Variants in SPPL3 observed in about 807,000 individuals in gnomAD.
SPPL3 encodes the protein signal peptide peptidase-like 3.
A neutral mutation model predicts 42.4 loss-of-function variants in SPPL3; 5 were observed. That is an observed-to-expected ratio of 0.12 (90% CI 0.06 to 0.25). SPPL3 has a LOEUF of 0.25. Ranked by LOEUF, SPPL3 falls within the 10% of genes least tolerant of loss-of-function variation. The pLI is 1.00. For missense variants in SPPL3, 235 were observed against 489.0 expected (o/e 0.48, Z 4.90); for synonymous variants, 195 against 181.8 (o/e 1.07, Z -0.58).
chr12:120,893,323 G>A (rs896415453), intron 1 of SPPL3, among the ~76,000 whole-genome samples: 5 of 152,042 alleles, frequency 3.3e-5, no homozygotes, highest in African/African-American at 4.8e-5. Context: ...GGCGGCGGGC[G>A]CCTGTAGTCC....
At chr12:120,777,895 C>T (rs151029654) in intron 6 of SPPL3, among the ~76,000 whole-genome samples, 41 of 152,104 alleles carry the variant, frequency 2.7e-4, no homozygotes, top group African/African-American at 8.4e-4. Context: ...CAGACGGGCA[C>T]GGGTGATTTT....
chr12:120,768,803 G>A (rs1303815007), intron 7 of SPPL3, 150 bp downstream of exon 7: 6 of 689,172 alleles, frequency 8.7e-6, no homozygotes, highest in South Asian at 1.9e-5. Context: ...GGATCGGACT[G>A]CACACCCATG....
At chr12:120,797,777 C>T (rs891735885) in intron 2 of SPPL3, among the ~76,000 whole-genome samples, 1 of 152,176 alleles carries the variant, frequency 6.6e-6, no homozygotes, top group African/African-American at 2.4e-5. Context: ...AGAAACTTAA[C>T]CAAATGACTG....
Position 120,791,577 on chromosome 12 carries a change from AG to A in SPPL3, c.102-21del, listed in dbSNP as rs767538826. The A allele has an allele frequency of 1.3e-6, 2 of 1,548,548 alleles. No individual in the cohort carries two copies. The highest frequency in any genetic ancestry group is 1.8e-6 in the Non-Finnish European group (2 of 1,138,208). The stretch of plus-strand genomic sequence containing the variant: ...AGGGACCTGTGGAAAAAAATTTTGT[AG>A]TTAAGTTGTAGTTTTGCTTACAAAA... On this transcript the variant is annotated intron_variant, in intron 2 of 10. Transcript: ENST00000353487.
intron 1 of SPPL3, among the ~76,000 whole-genome samples, chr12:120,813,651 G>C (rs1434296274): frequency 6.7e-6 from 1 of 150,100 alleles, no homozygotes. Flanking sequence ...GATACAACCT[G>C]AAGTATTTAT....
intron 6 of SPPL3, among the ~76,000 whole-genome samples, chr12:120,779,373 A>T (rs1869443749): frequency 6.6e-6 from 1 of 152,202 alleles, no homozygotes; most frequent in Non-Finnish European, 1.5e-5. Flanking sequence ...CACTGGTTCC[A>T]AAGAACTCTG....
At chr12:120,790,620 C>G (rs1338540391) in intron 3 of SPPL3, among the ~76,000 whole-genome samples, 1 of 152,142 alleles carries the variant, frequency 6.6e-6, no homozygotes, top group Non-Finnish European at 1.5e-5. Flanking sequence ...GTAAAGAAAC[C>G]TTATCTGACC....
intron 1 of SPPL3, among the ~76,000 whole-genome samples, chr12:120,820,174 T>A (rs1215038349): frequency 2.0e-5 from 3 of 152,238 alleles, no homozygotes; most frequent in African/African-American, 7.2e-5. Context: ...GTTGTTAGAA[T>A]TTTTTTGCTA....
At position 120,764,023 on chromosome 12, in the gene SPPL3, G is replaced by A. The variant is rs1868775914; in HGVS notation, c.*976C>T. On this transcript the variant is annotated 3_prime_UTR_variant, in exon 11 of 11. Coordinates refer to ENST00000353487, the MANE Select transcript of SPPL3 (RefSeq NM_139015.5). Reference sequence around the variant, plus strand: ...GAACACCCTGCGAGGGAGAAGCCTAGAAAAGAAAGAAAGGGCCAAAAGGTT... The same window carrying A: ...GAACACCCTGCGAGGGAGAAGCCTAAAAAAGAAAGAAAGGGCCAAAAGGTT... 6.6e-6 allele frequency: 1 copy of A among 152,602 alleles called. No homozygotes were observed. The highest frequency in any genetic ancestry group is 2.4e-5 in the African/African-American group (1 of 41,444). The allele number at this position is 152,602 out of a possible 1,614,324, so 9.5% of individuals were successfully genotyped here.
At position 120,784,596 on chromosome 12, in the gene SPPL3, G is replaced by A. The variant is rs781619444; in HGVS notation, c.191-3C>T. 6.2e-7 allele frequency: 1 copy of A among 1,600,792 alleles called. No homozygotes were observed. Among genetic ancestry groups the A allele is most frequent in the Admixed American group, 1.8e-5 (1 of 56,530 alleles). ...GGTAGAGTCAATTGTTTGGATGCCT[G>A]AAAGAGAAAAACAGACAGATTAATA... On this transcript the variant is annotated splice_region_variant and splice_polypyrimidine_tract_variant and intron_variant, in intron 3 of 10. Transcript: ENST00000353487.
intron 1 of SPPL3, chr12:120,845,182 G>A (rs1407181724): frequency 2.2e-6 from 1 of 462,806 alleles, no homozygotes; most frequent in Non-Finnish European, 4.3e-6. Flanking sequence ...GGTGGCACAG[G>A]TGGCCTGAAT....
intron 9 of SPPL3, 82 bp downstream of exon 9, chr12:120,767,312 G>T: frequency 7.0e-7 from 1 of 1,421,468 alleles, no homozygotes; most frequent in Non-Finnish European, 9.7e-7. Flanking sequence ...TCCAGTAACT[G>T]TAGCTAGAAG....
In SPPL3 at chr12:120,793,809, G is replaced by A. The variant is rs567125976; in HGVS notation, c.102-2252C>T. On this transcript the variant is annotated intron_variant, in intron 2 of 10. Coordinates refer to ENST00000353487, the MANE Select transcript of SPPL3 (RefSeq NM_139015.5). ...AATCCTTTTAAATGTATTGAGATTTGTTTCATGTCCCCATATATGGTCTGC... is the reference window on the plus strand; with the variant it reads ...AATCCTTTTAAATGTATTGAGATTTATTTCATGTCCCCATATATGGTCTGC... Among the ~76,000 whole-genome samples the A allele has an allele frequency of 4.6e-5, 7 of 152,308 alleles. No homozygotes were observed. The South Asian group carries it at 1.5e-3, about 32-fold the overall frequency.
chr12:120,836,489 C>T (rs1871625206), intron 1 of SPPL3, among the ~76,000 whole-genome samples: 1 of 152,142 alleles, frequency 6.6e-6, no homozygotes, highest in South Asian at 2.1e-4. Context: ...ATGAGACCAT[C>T]CTGATCCTTC....
rs1009543802 is a variant in SPPL3, at chr12:120,870,338, G to A, written c.23+33507C>T. 6.6e-5 allele frequency among the ~76,000 whole-genome samples: 10 copies of A among 152,252 alleles called. No homozygotes were observed. The East Asian group carries it at 1.3e-3, about 21-fold the overall frequency. On this transcript the variant is annotated intron_variant, in intron 1 of 10. Coordinates refer to ENST00000353487, the MANE Select transcript of SPPL3 (RefSeq NM_139015.5). ...CGCATGCCTGTAATCCCAGCTACTCGGGAGGCTGAGGCAGGAGAATCACTT... is the reference window on the plus strand; with the variant it reads ...CGCATGCCTGTAATCCCAGCTACTCAGGAGGCTGAGGCAGGAGAATCACTT...
intron 1 of SPPL3, among the ~76,000 whole-genome samples, chr12:120,893,890 T>C (rs1185637902): frequency 1.3e-5 from 2 of 152,208 alleles, no homozygotes; most frequent in African/African-American, 2.4e-5. Flanking sequence ...ACCTCAAATC[T>C]TCAACTAGTT....
chr12:120,848,018 TAAAAC>T (rs540927006), intron 1 of SPPL3, among the ~76,000 whole-genome samples: 25 of 152,182 alleles, frequency 1.6e-4, no homozygotes, highest in Non-Finnish European at 2.6e-4. Flanking sequence ...ATGTAAAACT[TAAAAC>T]AAAATCTAGT....
At chr12:120,768,556 C>T (rs1868991339) in intron 7 of SPPL3, 68 bp from the exon 8 acceptor site, 3 of 1,519,462 alleles carry the variant, frequency 2.0e-6, no homozygotes, top group Non-Finnish European at 2.7e-6. Flanking sequence ...ATCAGCCCTC[C>T]TTGCTCTTAA....
intron 2 of SPPL3, among the ~76,000 whole-genome samples, chr12:120,793,519 C>A (rs1223740150): frequency 6.6e-6 from 1 of 152,204 alleles, no homozygotes; most frequent in Non-Finnish European, 1.5e-5. Context: ...AACCACTTCA[C>A]ACATAGCAGG....
Sources: allele counts gnomAD v4.1 joint callset (sites outside exome capture counted in the v4.1 genomes callset), GRCh38; gene constraint gnomAD v4.1.1; transcripts MANE v1.5; gene names NCBI Gene and HGNC (gene_info 2026-07-23, HGNC 2026-07-21).